Variants in ROBO1 observed in about 807,000 individuals in gnomAD.
The protein encoded by ROBO1 is roundabout homolog 1.
ROBO1 carries 149 observed loss-of-function variants against 195.9 expected under a neutral mutation model. That is an observed-to-expected ratio of 0.76 (90% CI 0.67 to 0.87). The LOEUF is 0.87. Ranked by LOEUF, ROBO1 falls within the 40% of genes least tolerant of loss-of-function variation. ROBO1 has a pLI of 0.00. For synonymous variants in ROBO1, 816 were observed against 733.2 expected (o/e 1.11, Z -1.82); for missense variants, 1,933 against 2,068.3 (o/e 0.93, Z 1.27).
chr3:79,329,563 G>A (rs145036312), intron 2 of ROBO1, among the ~76,000 whole-genome samples: 147 of 152,192 alleles, frequency 9.7e-4, no homozygotes, highest in African/African-American at 3.3e-3. Flanking sequence ...ACAGAATTGT[G>A]GTATGTATCA....
chr3:79,295,641 A>G (rs898585743), intron 2 of ROBO1, among the ~76,000 whole-genome samples: 1 of 152,016 alleles, frequency 6.6e-6, no homozygotes, highest in African/African-American at 2.4e-5. Flanking sequence ...GCTTCTTGAA[A>G]AAGAAGGTAA....
At chr3:78,932,948 T>C (rs1456395189) in intron 4 of ROBO1, among the ~76,000 whole-genome samples, 1 of 152,090 alleles carries the variant, frequency 6.6e-6, no homozygotes, top group African/African-American at 2.4e-5. Context: ...CTGTGATGGA[T>C]AATAAAAAAG....
chr3:78,806,822 T>C (rs567766998), intron 4 of ROBO1, among the ~76,000 whole-genome samples: 167 of 152,190 alleles, frequency 1.1e-3, no homozygotes, highest in Middle Eastern at 3.4e-3. Flanking sequence ...CTTTTTTTTT[T>C]CCCGATACAG....
chr3:78,876,631 T>C (rs982866811), intron 4 of ROBO1, among the ~76,000 whole-genome samples: 1 of 152,004 alleles, frequency 6.6e-6, no homozygotes, highest in Non-Finnish European at 1.5e-5. Context: ...TTAAACCAAA[T>C]AGAAAGTCAA....
intron 2 of ROBO1, among the ~76,000 whole-genome samples, chr3:79,143,355 T>C (rs2080571221): frequency 6.6e-6 from 1 of 152,032 alleles, no homozygotes; most frequent in South Asian, 2.1e-4. Flanking sequence ...TCTCTAATTA[T>C]ACATAATTCT....
intron 30 of ROBO1, 30 bp from the exon 31 acceptor site, chr3:78,598,957 A>C: frequency 6.8e-7 from 1 of 1,463,674 alleles, no homozygotes; most frequent in Middle Eastern, 2.3e-4. Flanking sequence ...GTCACATTTG[A>C]AAATAAATCT....
intron 1 of ROBO1, among the ~76,000 whole-genome samples, chr3:79,748,826 T>A (rs566652991): frequency 6.6e-6 from 1 of 152,140 alleles, no homozygotes; most frequent in Non-Finnish European, 1.5e-5. Context: ...TTGTGAGACT[T>A]CCCCAGCCAC....
At chr3:79,468,512 C>A (rs905561927) in intron 2 of ROBO1, among the ~76,000 whole-genome samples, 1 of 151,926 alleles carries the variant, frequency 6.6e-6, no homozygotes, top group African/African-American at 2.4e-5. Flanking sequence ...AGAGGTAAGT[C>A]GTATGTAATC....
At chr3:79,682,661 A>G (rs2106988737) in intron 1 of ROBO1, among the ~76,000 whole-genome samples, 1 of 152,186 alleles carries the variant, frequency 6.6e-6, no homozygotes, top group African/African-American at 2.4e-5. Flanking sequence ...CAAACTACAC[A>G]CACTACAAAG....
At chr3:78,682,890 A>G (rs931423504) in intron 10 of ROBO1, among the ~76,000 whole-genome samples, 1 of 151,646 alleles carries the variant, frequency 6.6e-6, no homozygotes, top group Non-Finnish European at 1.5e-5. Flanking sequence ...AATAGTTTGT[A>G]GGTAGATTAT....
chr3:78,982,865 G>A (rs140937519), intron 3 of ROBO1, among the ~76,000 whole-genome samples: 1,648 of 151,922 alleles, frequency 0.011, 13 homozygotes, highest in Non-Finnish European at 0.017. Flanking sequence ...GTGATCCACC[G>A]GCCATGGCCT....
Position 78,769,470 on chromosome 3 carries a change from T to G in ROBO1, c.500-22570A>C, listed in dbSNP as rs140586360. On this transcript the variant is annotated intron_variant, in intron 4 of 30. Coordinates refer to ENST00000464233, the MANE Select transcript of ROBO1 (RefSeq NM_002941.4). ...GTCCTTTTGTGTTAGGTGAGTCTCC[T>G]GAAGGCAGTAGATGGTTGGTGAGTT... is the stretch of plus-strand genomic sequence containing the variant. Among the ~76,000 whole-genome samples, 437 of 152,304 alleles carry G rather than the reference T, an allele frequency of 2.9e-3. 3 individuals are homozygous for G. Among genetic ancestry groups the G allele is most frequent in the African/African-American group, 9.9e-3 (412 of 41,566 alleles).
rs769755173 is a variant in ROBO1, at chr3:79,056,359, G to A, written c.172+69097C>T. ...TTATATTGATGACATTTTAATTGCCGACCCCACTGATAAAGAATTGACTGA... is the reference window on the plus strand; with the variant it reads ...TTATATTGATGACATTTTAATTGCCAACCCCACTGATAAAGAATTGACTGA... On this transcript the variant is annotated intron_variant, in intron 3 of 30. Coordinates refer to ENST00000464233, the MANE Select transcript of ROBO1 (RefSeq NM_002941.4). Among the ~76,000 whole-genome samples the A allele has an allele frequency of 2.2e-3, 336 of 151,942 alleles. 2 individuals carry two copies. The highest frequency in any genetic ancestry group is 3.3e-3 in the Non-Finnish European group (224 of 67,946).
chr3:79,587,334 C>G (rs1576074862), intron 2 of ROBO1, among the ~76,000 whole-genome samples: 1 of 151,878 alleles, frequency 6.6e-6, no homozygotes, highest in South Asian at 2.1e-4. Flanking sequence ...AGTGAAAACA[C>G]TTTATTGTTG....
chr3:78,894,220 A>T (rs1469276064), intron 4 of ROBO1, among the ~76,000 whole-genome samples: 1 of 152,196 alleles, frequency 6.6e-6, no homozygotes, highest in Admixed American at 6.5e-5. Context: ...AGATCATGTG[A>T]CAACTACAAA....
intron 8 of ROBO1, among the ~76,000 whole-genome samples, chr3:78,698,694 A>G (rs1282089955): frequency 1.3e-5 from 2 of 152,218 alleles, no homozygotes. Flanking sequence ...AAATGTCAAC[A>G]GTGCCAAGAT....
At chr3:78,993,279 G>A (rs749510455) in intron 3 of ROBO1, among the ~76,000 whole-genome samples, 30 of 152,122 alleles carry the variant, frequency 2.0e-4, no homozygotes, top group Non-Finnish European at 4.0e-4. Context: ...ACAAGCACAC[G>A]CATACATACA....
chr3:78,628,250 A>C (rs1312624024), intron 25 of ROBO1, among the ~76,000 whole-genome samples: 2 of 152,170 alleles, frequency 1.3e-5, no homozygotes, highest in Non-Finnish European at 2.9e-5. Context: ...CACTGTGCCC[A>C]GCCAAGAAAA....
chr3:78,808,606 C>A (rs567214996), intron 4 of ROBO1, among the ~76,000 whole-genome samples: 1 of 152,130 alleles, frequency 6.6e-6, no homozygotes, highest in South Asian at 2.1e-4. Context: ...TGGAAATAAC[C>A]AAAGCAAAGA....
Sources: allele counts gnomAD v4.1 joint callset (sites outside exome capture counted in the v4.1 genomes callset), GRCh38; gene constraint gnomAD v4.1.1; transcripts MANE v1.5; gene names NCBI Gene and HGNC (gene_info 2026-07-23, HGNC 2026-07-21).